The following BMERB1 variants were observed in gnomAD, a reference collection of about 807,000 sequenced individuals.
BMERB1 encodes the protein bMERB domain-containing protein 1.
Under a neutral mutation model 23.6 loss-of-function variants are expected in BMERB1, and 12 were observed. The observed-to-expected ratio is 0.51, with a 90% CI of 0.33 to 0.82. BMERB1 has a LOEUF of 0.82. Ranked by LOEUF, BMERB1 falls within the 40% of genes least tolerant of loss-of-function variation. BMERB1 has a pLI of 0.03. For missense variants in BMERB1, 247 were observed against 255.4 expected, an observed-to-expected ratio of 0.97 and a Z score of 0.22; for synonymous variants, 122 against 96.6, an observed-to-expected ratio of 1.26 and a Z score of -1.54.
chr16:15,578,841 C>A (rs766041265), intron 3 of BMERB1, among the ~76,000 whole-genome samples: 5 of 152,240 alleles, frequency 3.3e-5, no homozygotes, highest in Middle Eastern at 3.4e-3. Context: ...ATACTATGAC[C>A]ATGGAGGTTA....
chr16:15,453,207 G>A (rs1178238089), intron 1 of BMERB1, among the ~76,000 whole-genome samples: 2 of 151,924 alleles, frequency 1.3e-5, no homozygotes, highest in African/African-American at 4.8e-5. Flanking sequence ...CCAAAACACC[G>A]TTGCTTTTAT....
chr16:15,532,537 TC>T (rs2051978528), intron 2 of BMERB1, among the ~76,000 whole-genome samples: 3 of 137,484 alleles, frequency 2.2e-5, no homozygotes, highest in Admixed American at 7.8e-5. Context: ...CTTTTTTTTT[TC>T]TTTTTCTTTT....
chr16:15,546,273 G>A (rs1386614125), intron 2 of BMERB1, among the ~76,000 whole-genome samples: 1 of 152,180 alleles, frequency 6.6e-6, no homozygotes. Context: ...ACATGACAGA[G>A]CAAGACCCTG....
intron 1 of BMERB1, among the ~76,000 whole-genome samples, chr16:15,512,285 A>G (rs189713618): frequency 6.6e-6 from 1 of 152,276 alleles, no homozygotes; most frequent in African/African-American, 2.4e-5. Context: ...AGGTGGACAA[A>G]TGCATCAGGT....
intron 2 of BMERB1, among the ~76,000 whole-genome samples, chr16:15,567,288 G>A (rs527910100): frequency 1.3e-5 from 2 of 152,256 alleles, no homozygotes; most frequent in African/African-American, 4.8e-5. Flanking sequence ...GATTCTCTCC[G>A]AAGGACAGAG....
chr16:15,570,755 A>G (rs1030747217), intron 3 of BMERB1, among the ~76,000 whole-genome samples: 1 of 151,032 alleles, frequency 6.6e-6, no homozygotes, highest in African/African-American at 2.5e-5. Flanking sequence ...TCTTGATTAT[A>G]TGCTAAACAA....
intron 2 of BMERB1, among the ~76,000 whole-genome samples, chr16:15,552,329 A>G (rs1274902453): frequency 6.6e-6 from 1 of 151,914 alleles, no homozygotes; most frequent in Non-Finnish European, 1.5e-5. Context: ...AATCCCAGCT[A>G]CTCAGGAGGC....
intron 2 of BMERB1, among the ~76,000 whole-genome samples, chr16:15,544,158 G>A (rs530145175): frequency 2.0e-5 from 3 of 152,250 alleles, no homozygotes; most frequent in South Asian, 4.1e-4. Context: ...GATTTCTCTC[G>A]AATTTAGCAA....
intron 3 of BMERB1, among the ~76,000 whole-genome samples, chr16:15,571,609 C>T (rs1379632809): frequency 6.6e-6 from 1 of 152,094 alleles, no homozygotes; most frequent in African/African-American, 2.4e-5. Flanking sequence ...CCACCTCAAG[C>T]CTCCCAAAGT....
At chr16:15,528,894 C>T (rs547835539) in intron 2 of BMERB1, among the ~76,000 whole-genome samples, 1 of 152,308 alleles carries the variant, frequency 6.6e-6, no homozygotes, top group African/African-American at 2.4e-5. Context: ...TTGTTTCTCC[C>T]TTTCACTGTG....
chr16:15,509,361 T>A (rs1012267764), intron 1 of BMERB1, among the ~76,000 whole-genome samples: 1 of 151,070 alleles, frequency 6.6e-6, no homozygotes, highest in Non-Finnish European at 1.5e-5. Context: ...GAGCACAAGC[T>A]GGGTTTGAAT....
chr16:15,447,921 C>G (rs1214336514), intron 1 of BMERB1: 1 of 455,810 alleles, frequency 2.2e-6, no homozygotes, highest in Admixed American at 2.4e-5. Flanking sequence ...CAGAGTCTTG[C>G]TGTTGTCTCC....
At chr16:15,508,438 G>A (rs1474278857) in intron 1 of BMERB1, among the ~76,000 whole-genome samples, 3 of 3,728 alleles carry the variant, frequency 8.0e-4, no homozygotes, top group Non-Finnish European at 0.017. Flanking sequence ...ATGAATGAGC[G>A]TGATCAGTGT....
chr16:15,479,051 T>C (rs1345919526), intron 1 of BMERB1, among the ~76,000 whole-genome samples: 2 of 152,234 alleles, frequency 1.3e-5, no homozygotes, highest in East Asian at 3.8e-4. Context: ...CTCTGATTTT[T>C]CAGCCTTGGG....
chr16:15,543,614 G>A (rs979065527), intron 2 of BMERB1, among the ~76,000 whole-genome samples: 1 of 151,994 alleles, frequency 6.6e-6, no homozygotes, highest in African/African-American at 2.4e-5. Flanking sequence ...TGAGCCTAGG[G>A]GTTTGAGACC....
chr16:15,456,498 A>G (rs907943677), intron 1 of BMERB1, among the ~76,000 whole-genome samples: 13 of 152,034 alleles, frequency 8.6e-5, no homozygotes. Flanking sequence ...CACCACACCC[A>G]GCTACTTTTT....
intron 3 of BMERB1, among the ~76,000 whole-genome samples, chr16:15,575,078 C>CAAAT (rs1313789126): frequency 2.0e-5 from 3 of 152,002 alleles, no homozygotes; most frequent in South Asian, 2.1e-4. Flanking sequence ...GACTCTGCCT[C>CAAAT]AAATAAATAA....
At chr16:15,563,559 A>G (rs1440318599) in intron 2 of BMERB1, among the ~76,000 whole-genome samples, 1 of 152,104 alleles carries the variant, frequency 6.6e-6, no homozygotes, top group African/African-American at 2.4e-5. Context: ...AGATTGGGTA[A>G]TTTATACAGA....
At chr16:15,547,850 ACCT>A (rs1217044000) in intron 2 of BMERB1, among the ~76,000 whole-genome samples, 1 of 152,016 alleles carries the variant, frequency 6.6e-6, no homozygotes, top group African/African-American at 2.4e-5. Flanking sequence ...GAGCCACTTA[ACCT>A]CTCTGAGCTG....
Sources: gnomAD v4.1 joint callset for allele counts (sites outside exome capture counted in the v4.1 genomes callset) on GRCh38, gnomAD v4.1.1 for gene constraint, MANE v1.5 for transcripts, NCBI Gene and HGNC (gene_info 2026-07-23, HGNC 2026-07-21) for gene names.